The following BUD13 variants were observed in gnomAD, a reference collection of about 807,000 sequenced individuals.
The protein encoded by BUD13 is BUD13 spliceosome associated protein, also known as BUD13 homolog.
Under a neutral mutation model 62.5 loss-of-function variants are expected in BUD13, and 47 were observed. The ratio of observed to expected loss-of-function variants is 0.75; its 90% CI spans 0.60 to 0.96. The LOEUF (loss-of-function observed/expected upper bound fraction) is 0.96. Ranked by LOEUF, BUD13 falls within the 40% of genes least tolerant of loss-of-function variation. The pLI, the probability that BUD13 is intolerant of heterozygous loss-of-function variation, is 0.00. For synonymous variants in BUD13, 293 were observed against 280.1 expected, an observed-to-expected ratio of 1.05 and a Z score of -0.46; for missense variants, 821 against 790.9, an observed-to-expected ratio of 1.04 and a Z score of -0.46.
intron 2 of BUD13, among the ~76,000 whole-genome samples, chr11:116,766,076 A>G (rs1258344737): frequency 6.6e-6 from 1 of 152,180 alleles, no homozygotes; most frequent in African/African-American, 2.4e-5. Flanking sequence ...AACACAGTCC[A>G]CTGCATTTTT....
Position 116,762,788 on chromosome 11 carries a change from G to T in BUD13, c.801C>A (p.Ala267=). 1 of 1,614,142 alleles carries T rather than the reference G, an allele frequency of 6.2e-7. No individual in the cohort carries two copies. Among genetic ancestry groups the T allele is most frequent in the African/African-American group, 1.3e-5 (1 of 75,030 alleles). The part of the protein sequence containing the change: ...GSSDTQQLRR[A]RHDSPDLAPN... ...GAGCCAAATCAGGGGAGTCATGACG[G>T]GCCCTTCTGAGTTGCTGTGTGTCTG... The change falls in exon 4 of 10, where the codon GCC becomes GCA. Residue 267 remains alanine, a synonymous_variant. Coordinates refer to ENST00000260210, the MANE Select transcript of BUD13 (RefSeq NM_032725.4).
intron 9 of BUD13, among the ~76,000 whole-genome samples, chr11:116,752,331 C>T (rs1259430934): frequency 6.6e-6 from 1 of 151,900 alleles, no homozygotes; most frequent in Non-Finnish European, 1.5e-5. Context: ...GGAAATATTC[C>T]CTTGCAGCAG....
At chr11:116,752,030 G>A (rs935762920) in intron 9 of BUD13, among the ~76,000 whole-genome samples, 2 of 152,068 alleles carry the variant, frequency 1.3e-5, no homozygotes, top group Non-Finnish European at 2.9e-5. Flanking sequence ...TGCAAGCTCC[G>A]CTTCCCGGGT....
intron 2 of BUD13, among the ~76,000 whole-genome samples, chr11:116,767,274 TA>T (rs1940547537): frequency 6.7e-6 from 1 of 149,830 alleles, no homozygotes; most frequent in African/African-American, 2.5e-5. Context: ...AATGAACATA[TA>T]AAAAATGATT....
chr11:116,759,017 T>C lies in BUD13; in HGVS notation c.1360+57A>G, dbSNP rs1940383132. 4.6e-6 allele frequency: 5 copies of C among 1,087,954 alleles called. No homozygotes were observed. The East Asian group carries it at 1.2e-4, about 26-fold the overall frequency. 67.4% of individuals were successfully genotyped at this position (1,087,954 alleles called of 1,614,324 possible). A position where few individuals can be genotyped will look rare whatever the true frequency, so the allele number is the denominator to read the frequency against. ...AAAATATCAGGTACAATAAGCTAAA[T>C]TAAAAAAAAAAAAACAGTATGAGCC... On this transcript the variant is annotated intron_variant, in intron 6 of 9. Coordinates refer to ENST00000260210, the MANE Select transcript of BUD13 (RefSeq NM_032725.4).
chr11:116,756,380 C>T (rs1215517454), intron 9 of BUD13, among the ~76,000 whole-genome samples: 2 of 151,804 alleles, frequency 1.3e-5, no homozygotes, highest in Admixed American at 6.6e-5. Context: ...GGTGTGGCAG[C>T]GGGCGCCGGT....
At position 116,757,244 on chromosome 11, in the gene BUD13, GA is replaced by G. The variant is rs766501193; in HGVS notation, c.1685-18del. 1.2e-6 allele frequency: 2 copies of G among 1,601,646 alleles called. No homozygotes were observed. Among genetic ancestry groups the G allele is most frequent in the Admixed American group, 1.7e-5 (1 of 59,290 alleles). On this transcript the variant is annotated intron_variant, in intron 8 of 9. Coordinates refer to ENST00000260210, the MANE Select transcript of BUD13 (RefSeq NM_032725.4). ...GAGGTCTCACTAATGAGAGGAGTAA[GA>G]AAAAAGTATTCAGTTAATGACATAG...
intron 9 of BUD13, among the ~76,000 whole-genome samples, chr11:116,753,757 T>C (rs943411233): frequency 1.1e-4 from 17 of 152,136 alleles, no homozygotes; most frequent in African/African-American, 3.9e-4. Context: ...AATGAACAGA[T>C]GGGAAATCTC....
intron 9 of BUD13, among the ~76,000 whole-genome samples, chr11:116,756,738 A>G (rs1940332934): frequency 1.3e-5 from 2 of 152,164 alleles, no homozygotes; most frequent in South Asian, 2.1e-4. Context: ...GAGGACTGGA[A>G]GACATTAAAA....
intron 9 of BUD13, among the ~76,000 whole-genome samples, chr11:116,756,356 C>T (rs574406166): frequency 6.6e-6 from 1 of 151,940 alleles, no homozygotes; most frequent in South Asian, 2.1e-4. Context: ...ATTAAAGATA[C>T]AAAAAATTAG....
chr11:116,755,949 G>A (rs948049578), intron 9 of BUD13, among the ~76,000 whole-genome samples: 2 of 152,016 alleles, frequency 1.3e-5, no homozygotes, highest in African/African-American at 2.4e-5. Flanking sequence ...TGGCTCAAGC[G>A]TGTAATCCCA....
chr11:116,769,218 A>G (rs1022842073), intron 2 of BUD13, among the ~76,000 whole-genome samples: 7 of 152,108 alleles, frequency 4.6e-5, no homozygotes, highest in Admixed American at 4.6e-4. Context: ...CTTACCCTTC[A>G]AAACTCAGTA....
chr11:116,752,198 G>A (rs1014971677), intron 9 of BUD13, among the ~76,000 whole-genome samples: 3 of 151,926 alleles, frequency 2.0e-5, no homozygotes, highest in Non-Finnish European at 2.9e-5. Context: ...TGCCCGCCTC[G>A]GCCTCCCAAA....
chr11:116,757,572 T>C (rs1940351729), intron 8 of BUD13, among the ~76,000 whole-genome samples, 194 bp downstream of exon 8: 1 of 152,018 alleles, frequency 6.6e-6, no homozygotes, highest in African/African-American at 2.4e-5. Flanking sequence ...AGTGCTAGGA[T>C]TACAAACATG....
rs28927680 is a variant in BUD13 at position 116,748,357 on chromosome 11, C to T, written c.*125G>A. The T allele has an allele frequency of 5.2e-6, 4 of 772,062 alleles. No individual in the cohort carries two copies. Among genetic ancestry groups the T allele is most frequent in the Non-Finnish European group, 8.7e-6 (4 of 460,890 alleles). 47.8% of individuals were successfully genotyped at this position (772,062 alleles called of 1,614,324 possible). A position where few individuals can be genotyped will look rare whatever the true frequency, so the allele number is the denominator to read the frequency against. ...CTCGAATATTCTTCTGTGGTCAAAA[C>T]TGGCATTCAACAAGTTGCTGGTCTG... is the stretch of plus-strand genomic sequence containing the variant. On this transcript the variant is annotated 3_prime_UTR_variant, in exon 10 of 10. Transcript: ENST00000260210.
intron 2 of BUD13, among the ~76,000 whole-genome samples, chr11:116,769,198 C>T (rs1014022119): frequency 1.3e-5 from 2 of 152,088 alleles, no homozygotes; most frequent in Admixed American, 6.5e-5. Context: ...TTTTGTCCAC[C>T]TGGCTCTTAC....
At chr11:116,751,953 C>T (rs1940242773) in intron 9 of BUD13, among the ~76,000 whole-genome samples, 1 of 151,742 alleles carries the variant, frequency 6.6e-6, no homozygotes, top group Admixed American at 6.6e-5. Context: ...CTCAGTTTCT[C>T]TTTTTTTTGA....
At position 116,758,315 on chromosome 11, in the gene BUD13, C is replaced by G. The variant is rs1940368238; in HGVS notation, c.1453G>C (p.Glu485Gln). The change falls in exon 7 of 10, where the codon GAA becomes CAA. Residue 485 changes from glutamate to glutamine, a missense_variant. Physicochemically the swap from Glu to Gln is conservative, Grantham distance 29 (BLOSUM62 2). Coordinates refer to ENST00000260210, the MANE Select transcript of BUD13 (RefSeq NM_032725.4). ...LERLEQRRKA[E>Q]KDSERDELYA... ...AGCTCATCTCTCTCTGAGTCCTTTTCTGCTTTCCTCCTTTGCTCTAAACGT... is the reference window on the plus strand; with the variant it reads ...AGCTCATCTCTCTCTGAGTCCTTTTGTGCTTTCCTCCTTTGCTCTAAACGT... 6.2e-7 allele frequency: 1 copy of G among 1,614,208 alleles called. No homozygotes were observed. Among genetic ancestry groups the G allele is most frequent in the Non-Finnish European group, 8.5e-7 (1 of 1,180,044 alleles).
chr11:116,764,381 T>C (rs141838144), intron 3 of BUD13, among the ~76,000 whole-genome samples: 2 of 152,248 alleles, frequency 1.3e-5, no homozygotes, highest in Non-Finnish European at 2.9e-5. Flanking sequence ...AAGTATGATG[T>C]CTGTGGGGGG....
Sources: gnomAD v4.1 joint callset for allele counts (sites outside exome capture counted in the v4.1 genomes callset) on GRCh38, gnomAD v4.1.1 for gene constraint, MANE v1.5 for transcripts, NCBI Gene and HGNC (gene_info 2026-07-23, HGNC 2026-07-21) for gene names.